HERC1: variants seen among roughly 807,000 people sequenced by gnomAD.
HERC1 encodes the protein HECT and RLD domain containing E3 ubiquitin protein ligase family member 1, also known as probable E3 ubiquitin-protein ligase HERC1.
A neutral mutation model predicts 554.3 loss-of-function variants in HERC1; 160 were observed. The observed-to-expected ratio is 0.29, with a 90% CI of 0.25 to 0.33. The LOEUF is 0.33. Ranked by LOEUF, HERC1 falls within the 10% of genes least tolerant of loss-of-function variation. The pLI is 1.00. For missense variants in HERC1, 4,919 were observed against 5,918.5 expected, an observed-to-expected ratio of 0.83 and a Z score of 5.54; for synonymous variants, 2,175 against 2,131.7, an observed-to-expected ratio of 1.02 and a Z score of -0.56.
In HERC1 at chr15:63,612,078, C is replaced by G. The variant is rs1171031360; in HGVS notation, c.14400+173G>C. 1.3e-5 allele frequency among the ~76,000 whole-genome samples: 2 copies of G among 152,222 alleles called. No individual in the cohort carries two copies. Among genetic ancestry groups the G allele is most frequent in the Non-Finnish European group, 2.9e-5 (2 of 68,044 alleles). ...TGGCACGCACCTGTAGTCCCAGCTACTGCGGAGGCTGAGGCAGGAGAACTG... is the reference window on the plus strand; with the variant it reads ...TGGCACGCACCTGTAGTCCCAGCTAGTGCGGAGGCTGAGGCAGGAGAACTG... On this transcript the variant is annotated intron_variant, in intron 77 of 77. Transcript: ENST00000443617. The surrounding 1 kb of genome is among the most constrained non-coding windows in gnomAD (Gnocchi z 5.0).
At chr15:63,796,889 T>C (rs1359832860) in intron 1 of HERC1, among the ~76,000 whole-genome samples, 2 of 152,194 alleles carry the variant, frequency 1.3e-5, no homozygotes, top group African/African-American at 2.4e-5. Flanking sequence ...GAGAACAGAT[T>C]GTAAATGTTT....
At chr15:63,647,809 C>A (rs1260766704) in intron 55 of HERC1, among the ~76,000 whole-genome samples, 1 of 152,036 alleles carries the variant, frequency 6.6e-6, no homozygotes, top group Non-Finnish European at 1.5e-5. Context: ...AGACAAAAAA[C>A]AACAGATGTT....
intron 33 of HERC1, among the ~76,000 whole-genome samples, chr15:63,689,298 A>G (rs2071968261): frequency 6.6e-6 from 1 of 152,208 alleles, no homozygotes. Flanking sequence ...AGATAATGAG[A>G]AGAAAGTGGC....
chr15:63,612,647 G>A lies in HERC1; in HGVS notation c.14095-91C>T. The A allele has an allele frequency of 7.4e-6, 9 of 1,208,726 alleles. No homozygotes were observed. Among genetic ancestry groups the A allele is most frequent in the African/African-American group, 1.5e-5 (1 of 66,510 alleles). The allele number at this position is 1,208,726 out of a possible 1,614,324, so 74.9% of individuals were successfully genotyped here. A position where few individuals can be genotyped will look rare whatever the true frequency, so the allele number is the denominator to read the frequency against. On this transcript the variant is annotated intron_variant, in intron 76 of 77. Coordinates refer to ENST00000443617, the MANE Select transcript of HERC1 (RefSeq NM_003922.4). This position sits in a 1 kb window ranked among gnomAD's most constrained non-coding sequence, Gnocchi z 5.0. The stretch of plus-strand genomic sequence containing the variant: ...TGGGGCTAGGCGCCTCCTGATGCCT[G>A]CTCGTCCGCTCCCCAGACCCTCTAC...
rs541835285 is a variant in HERC1, at chr15:63,618,969, T to C, written c.13689-2287A>G. Among the ~76,000 whole-genome samples the C allele has an allele frequency of 2.8e-3, 434 of 152,302 alleles. 6 individuals are homozygous for C. The highest frequency in any genetic ancestry group is 0.02 in the Middle Eastern group (6 of 294). On this transcript the variant is annotated intron_variant, in intron 74 of 77. Coordinates refer to ENST00000443617, the MANE Select transcript of HERC1 (RefSeq NM_003922.4). Reference sequence around the variant, plus strand: ...GGGACAATTTGACTTCCTCTTTTCCTAACTGAATGCCCTTTATTTCCTTCT... The same window carrying C: ...GGGACAATTTGACTTCCTCTTTTCCCAACTGAATGCCCTTTATTTCCTTCT...
Position 63,734,611 on chromosome 15 carries a change from C to A in HERC1, c.2646+113G>T. ...GAATTCTTCCAGCACAACACATTAA[C>A]CCATCAAGTACTTATGCTCCAAGAA... On this transcript the variant is annotated intron_variant, in intron 13 of 77. Transcript: ENST00000443617. This position sits in a 1 kb window ranked among gnomAD's most constrained non-coding sequence, Gnocchi z 4.6. The A allele has an allele frequency of 1.2e-6, 1 of 805,376 alleles. No individual in the cohort carries two copies. Among genetic ancestry groups the A allele is most frequent in the Non-Finnish European group, 1.9e-6 (1 of 531,832 alleles). 49.9% of individuals were successfully genotyped at this position (805,376 alleles called of 1,614,324 possible). A position where few individuals can be genotyped will look rare whatever the true frequency, so the allele number is the denominator to read the frequency against.
chr15:63,645,159 C>T lies in HERC1; in HGVS notation c.11079-62G>A, dbSNP rs140315209. The T allele has an allele frequency of 0.017, 20,536 of 1,200,770 alleles. 338 individuals carry two copies. Among genetic ancestry groups the T allele is most frequent in the South Asian group, 0.031 (2,519 of 82,066 alleles). 74.4% of individuals were successfully genotyped at this position (1,200,770 alleles called of 1,614,324 possible). ...AATATGCATTAAGTAAAAATATTTCCGAATTGCAATCAATTAAGATCTGAT... is the reference window on the plus strand; with the variant it reads ...AATATGCATTAAGTAAAAATATTTCTGAATTGCAATCAATTAAGATCTGAT... On this transcript the variant is annotated intron_variant, in intron 56 of 77. Coordinates refer to ENST00000443617, the MANE Select transcript of HERC1 (RefSeq NM_003922.4).
intron 33 of HERC1, among the ~76,000 whole-genome samples, chr15:63,689,283 T>G (rs2071967208): frequency 6.6e-6 from 1 of 152,226 alleles, no homozygotes; most frequent in African/African-American, 2.4e-5. Flanking sequence ...ATGGTGGGGT[T>G]GAAGAGATAA....
intron 1 of HERC1, among the ~76,000 whole-genome samples, chr15:63,821,726 C>CAAAAAAAAAAAAAAAAAAAAAAAAAA (rs35074987): frequency 1.6e-5 from 1 of 62,478 alleles, no homozygotes; most frequent in African/African-American, 7.0e-5. Flanking sequence ...TACCCTGTCT[C>CAAAAAAAAAAAAAAAAAAAAAAAAAA]AAAAAAAAAA....
chr15:63,730,265 G>A (rs545231344), intron 14 of HERC1, among the ~76,000 whole-genome samples: 1 of 151,568 alleles, frequency 6.6e-6, no homozygotes, highest in South Asian at 2.1e-4. Flanking sequence ...GACCAGCATG[G>A]GCAACACAGC....
intron 76 of HERC1, 75 bp downstream of exon 76, chr15:63,615,693 T>C: frequency 8.5e-7 from 1 of 1,172,960 alleles, no homozygotes. Flanking sequence ...TAGCAGATTT[T>C]GGCATACCCA....
In HERC1 at chr15:63,616,686, T is replaced by G. The variant is rs760544467; in HGVS notation, c.13689-4A>C. On this transcript the variant is annotated splice_polypyrimidine_tract_variant and splice_region_variant and intron_variant, in intron 74 of 77. Transcript: ENST00000443617. The stretch of plus-strand genomic sequence containing the variant: ...GGCAGAAGGGTTAAAAAGGAACCTG[T>G]AAAATTAAAGGGAATATTTCAAACA... The G allele has an allele frequency of 1.9e-6, 3 of 1,611,496 alleles. No homozygotes were observed. Among genetic ancestry groups the G allele is most frequent in the Admixed American group, 1.7e-5 (1 of 59,606 alleles).
intron 53 of HERC1, among the ~76,000 whole-genome samples, chr15:63,650,445 G>A (rs2069611637): frequency 6.7e-6 from 1 of 148,404 alleles, no homozygotes; most frequent in African/African-American, 2.5e-5. Flanking sequence ...AGAGGGTCTT[G>A]CTGTGTTGCC....
At chr15:63,644,690 T>C (rs562287214) in intron 57 of HERC1, among the ~76,000 whole-genome samples, 28 of 152,322 alleles carry the variant, frequency 1.8e-4, no homozygotes, top group African/African-American at 5.3e-4. Context: ...TGTGCTCCCA[T>C]GGAGTTTCTA....
chr15:63,753,965 G>C (rs1596159463), intron 7 of HERC1, among the ~76,000 whole-genome samples: 1 of 152,118 alleles, frequency 6.6e-6, no homozygotes, highest in African/African-American at 2.4e-5. Context: ...CTTGAGCCCA[G>C]AAGTTCGAGG....
chr15:63,788,316 C>T (rs931681360), intron 1 of HERC1, among the ~76,000 whole-genome samples: 1 of 152,108 alleles, frequency 6.6e-6, no homozygotes, highest in African/African-American at 2.4e-5. Flanking sequence ...CAGTTATTTA[C>T]TGTAAATTGG....
At position 63,696,114 on chromosome 15, in the gene HERC1, T is replaced by C. The variant is rs1426265138; in HGVS notation, c.5121+10A>G. The C allele has an allele frequency of 1.9e-6, 3 of 1,585,490 alleles. No homozygotes were observed. Among genetic ancestry groups the C allele is most frequent in the Non-Finnish European group, 2.6e-6 (3 of 1,155,538 alleles). ...GTTAAAATCTGTATATACTGCAAGG[T>C]GTCACCTACCTGATAGTGATGCAAT... is the stretch of plus-strand genomic sequence containing the variant. On this transcript the variant is annotated intron_variant, in intron 27 of 77. Transcript: ENST00000443617.
chr15:63,612,169 C>A lies in HERC1; in HGVS notation c.14400+82G>T. On this transcript the variant is annotated intron_variant, in intron 77 of 77. Coordinates refer to ENST00000443617, the MANE Select transcript of HERC1 (RefSeq NM_003922.4). The surrounding 1 kb of genome is among the most constrained non-coding windows in gnomAD (Gnocchi z 5.0). ...TGCCACTGCACTCCAGCCTGGGCCACAGAGTGAGACCCTGTCTCAACAAAA... is the reference window on the plus strand; with the variant it reads ...TGCCACTGCACTCCAGCCTGGGCCAAAGAGTGAGACCCTGTCTCAACAAAA... 7.9e-7 allele frequency: 1 copy of A among 1,273,266 alleles called. No individual in the cohort carries two copies. The highest frequency in any genetic ancestry group is 1.5e-5 in the South Asian group (1 of 65,962). 78.9% of individuals were successfully genotyped at this position (1,273,266 alleles called of 1,614,324 possible).
chr15:63,695,814 C>G (rs1342968337), intron 27 of HERC1, among the ~76,000 whole-genome samples: 1 of 152,172 alleles, frequency 6.6e-6, no homozygotes, highest in Non-Finnish European at 1.5e-5. Context: ...AAATCTAAAA[C>G]GTAAGCTCTT....
Sources: allele counts gnomAD v4.1 joint callset (sites outside exome capture counted in the v4.1 genomes callset), GRCh38; gene constraint gnomAD v4.1.1; non-coding constraint Gnocchi (gnomAD v3.1); transcripts MANE v1.5; gene names NCBI Gene and HGNC (gene_info 2026-07-23, HGNC 2026-07-21).